Variants in METAP1 observed in about 807,000 individuals in gnomAD.
The protein encoded by METAP1 is methionine aminopeptidase 1.
In METAP1, 28 loss-of-function variants were observed where a neutral mutation model predicts 53.8. That is an observed-to-expected ratio of 0.52 (90% CI 0.39 to 0.71). The LOEUF (loss-of-function observed/expected upper bound fraction) is 0.71. METAP1 is among the 30% of genes least tolerant of loss of function. The pLI is 0.00. For missense variants in METAP1, 389 were observed against 479.8 expected (o/e 0.81, Z 1.77); for synonymous variants, 181 against 165.7 (o/e 1.09, Z -0.71).
chr4:99,022,726 G>T (rs1164388584), intron 1 of METAP1: 2 of 1,554,062 alleles, frequency 1.3e-6, no homozygotes, highest in Admixed American at 1.7e-5. Context: ...AATGGGAGGG[G>T]CTGCACCTGT....
rs760933644 is a variant in METAP1 at position 99,045,162 on chromosome 4, T to G, written c.656-17T>G. On this transcript the variant is annotated splice_polypyrimidine_tract_variant and intron_variant, in intron 7 of 10. Coordinates refer to ENST00000296411, the MANE Select transcript of METAP1 (RefSeq NM_015143.3). ...TGAAAATAAGTATGGTCTTTATATT[T>G]GCACATTCTCTTGCAGTGGATATCA... 3 of 1,610,584 alleles carry G rather than the reference T, an allele frequency of 1.9e-6. No individual in the cohort carries two copies. The South Asian group carries it at 3.3e-5, about 18-fold the overall frequency.
chr4:98,995,818 GTCCCACTTGCATCAAGCTGGGCA>G lies in METAP1; in HGVS notation c.69_91del (p.Thr24GlyfsTer11). 6.5e-7 allele frequency: 1 copy of G among 1,544,614 alleles called. No homozygotes were observed. Among genetic ancestry groups the G allele is most frequent in the Non-Finnish European group, 8.7e-7 (1 of 1,143,726 alleles). Reference sequence around the variant, plus strand: ...TGCAGCAGTGAGGCCAAGCTCCAGTGTCCCACTTGCATCAAGCTGGGCATCCAGGGCTCGTACTTCTGCTCGCA... The same window carrying G: ...TGCAGCAGTGAGGCCAAGCTCCAGTGTCCAGGGCTCGTACTTCTGCTCGCA... On this transcript the variant is annotated frameshift_variant, in exon 1 of 11. Transcript: ENST00000296411. LOFTEE classifies it high-confidence loss of function.
intron 1 of METAP1, among the ~76,000 whole-genome samples, chr4:99,020,475 G>T (rs1398045205): frequency 6.6e-6 from 1 of 152,114 alleles, no homozygotes; most frequent in African/African-American, 2.4e-5. Flanking sequence ...AGAGACTTCT[G>T]CCTCCGGAGC....
At chr4:99,040,111 G>T (rs987884121) in intron 5 of METAP1, among the ~76,000 whole-genome samples, 5 of 152,168 alleles carry the variant, frequency 3.3e-5, no homozygotes, top group African/African-American at 1.2e-4. Flanking sequence ...GAATTAATCT[G>T]GTGGATAGTC....
intron 4 of METAP1, among the ~76,000 whole-genome samples, chr4:99,036,274 T>G (rs936882911): frequency 6.6e-6 from 1 of 152,154 alleles, no homozygotes; most frequent in South Asian, 2.1e-4. Context: ...AACATTCTTA[T>G]GAATATCATT....
intron 1 of METAP1, chr4:99,022,891 A>G (rs1279538060): frequency 2.6e-6 from 4 of 1,518,068 alleles, no homozygotes; most frequent in Middle Eastern, 2.0e-4. Flanking sequence ...CTCACAAACC[A>G]GTCCTCAGCC....
chr4:99,031,243 C>T (rs1725001591), intron 2 of METAP1, among the ~76,000 whole-genome samples: 1 of 151,664 alleles, frequency 6.6e-6, no homozygotes. Flanking sequence ...GTACCTTAAG[C>T]AGCATTTACT....
chr4:99,022,990 A>G (rs1359387156), intron 1 of METAP1: 3 of 1,472,488 alleles, frequency 2.0e-6, no homozygotes, highest in Non-Finnish European at 2.7e-6. Context: ...GCCCAGGTAC[A>G]CAATACCTGG....
Position 99,045,241 on chromosome 4 carries a change from G to C in METAP1, c.718G>C (p.Glu240Gln). 6.2e-7 allele frequency: 1 copy of C among 1,613,754 alleles called. No homozygotes were observed. Among genetic ancestry groups the C allele is most frequent in the Non-Finnish European group, 8.5e-7 (1 of 1,179,780 alleles). Residue 240 changes from glutamate to glutamine, a missense_variant, in exon 8 of 11, where the codon GAA (glutamate) becomes CAA (glutamine). Transcript: ENST00000296411. ...GDLNETFFVG[E>Q]VDDGARKLVQ... ...CCTGAATGAGACATTTTTTGTTGGA[G>C]AAGTGGATGATGGAGCACGGAAACT...
intron 1 of METAP1, among the ~76,000 whole-genome samples, chr4:98,996,681 G>T (rs1252296041): frequency 6.6e-6 from 1 of 152,200 alleles, no homozygotes; most frequent in Non-Finnish European, 1.5e-5. Context: ...ACCCAGCGTT[G>T]AATGGGGTCC....
At chr4:99,032,700 T>C (rs9884237) in intron 2 of METAP1, among the ~76,000 whole-genome samples, 2,066 of 152,286 alleles carry the variant, frequency 0.014, 37 homozygotes, top group African/African-American at 0.047. Flanking sequence ...GAGAAAGTTA[T>C]TCTTGAGGTT....
intron 9 of METAP1, among the ~76,000 whole-genome samples, chr4:99,052,922 T>C (rs967125815): frequency 6.6e-6 from 1 of 152,230 alleles, no homozygotes; most frequent in Non-Finnish European, 1.5e-5. Context: ...AATCTTTTGT[T>C]GTCATCTCAA....
At chr4:99,046,231 T>C (rs939888966) in intron 8 of METAP1, among the ~76,000 whole-genome samples, 1 of 151,986 alleles carries the variant, frequency 6.6e-6, no homozygotes, top group Non-Finnish European at 1.5e-5. Flanking sequence ...CCGGCCAACA[T>C]GGTGAAACCC....
intron 9 of METAP1, among the ~76,000 whole-genome samples, chr4:99,054,320 T>G (rs1356468294): frequency 6.6e-6 from 1 of 152,192 alleles, no homozygotes; most frequent in Non-Finnish European, 1.5e-5. Flanking sequence ...TGGAGACGGA[T>G]TCTTTAAACC....
intron 4 of METAP1, chr4:99,036,013 T>C (rs577293076): frequency 6.5e-6 from 1 of 154,380 alleles, no homozygotes; most frequent in Non-Finnish European, 1.5e-5. Context: ...ACTGCTGAGG[T>C]AGGTTCTGTT....
At chr4:99,052,351 T>C (rs928448260) in intron 9 of METAP1, among the ~76,000 whole-genome samples, 1 of 152,182 alleles carries the variant, frequency 6.6e-6, no homozygotes, top group African/African-American at 2.4e-5. Context: ...GGTAGAATTC[T>C]TGTTAGAACC....
intron 9 of METAP1, among the ~76,000 whole-genome samples, chr4:99,055,404 AAAG>A (rs1275730627): frequency 6.6e-6 from 1 of 152,064 alleles, no homozygotes. Context: ...AAAAAAAAAA[AAAG>A]AGAAAAGAAA....
chr4:99,026,852 G>A (rs1437103774), intron 1 of METAP1: 1 of 985,148 alleles, frequency 1.0e-6, no homozygotes, highest in Non-Finnish European at 1.2e-6. Context: ...GATAAAGATG[G>A]GTGTCCTTAA....
At chr4:99,005,435 C>T (rs551632855) in intron 1 of METAP1, among the ~76,000 whole-genome samples, 1 of 152,252 alleles carries the variant, frequency 6.6e-6, no homozygotes, top group East Asian at 1.9e-4. Flanking sequence ...AATGAGATAC[C>T]ACCTTACTCC....
Sources: allele counts gnomAD v4.1 joint callset (sites outside exome capture counted in the v4.1 genomes callset), GRCh38; gene constraint gnomAD v4.1.1; transcripts MANE v1.5; gene names NCBI Gene and HGNC (gene_info 2026-07-23, HGNC 2026-07-21).